PLEKHA8: variants seen among roughly 807,000 people sequenced by gnomAD.
PLEKHA8 encodes the protein pleckstrin homology domain-containing family A member 8.
Under a neutral mutation model 68.2 loss-of-function variants are expected in PLEKHA8, and 36 were observed. The observed-to-expected ratio is 0.53, with a 90% CI of 0.40 to 0.70. The LOEUF (loss-of-function observed/expected upper bound fraction) is 0.70. PLEKHA8 is among the 30% of genes least tolerant of loss of function. PLEKHA8 has a pLI of 0.00. For missense variants in PLEKHA8, 505 were observed against 615.4 expected (o/e 0.82, Z 1.90); for synonymous variants, 211 against 216.1 (o/e 0.98, Z 0.20).
downstream of PLEKHA8, among the ~76,000 whole-genome samples, chr7:30,090,899 A>G (rs980363452): frequency 1.3e-5 from 2 of 152,210 alleles, no homozygotes; most frequent in African/African-American, 4.8e-5. Context: ...GGTGGCTCAC[A>G]CCTGTAATCC....
rs35173428 is a variant in PLEKHA8 at position 30,128,091 on chromosome 7, ATTTT to A, written c.1363-1158_1363-1155del. 4.6e-4 allele frequency among the ~76,000 whole-genome samples: 57 copies of A among 122,682 alleles called. 2 individuals are homozygous for A. Among genetic ancestry groups the A allele is most frequent in the Middle Eastern group, 4.6e-3 (1 of 216 alleles). The allele number at this position is 122,682 out of a possible 152,430, so 80.5% of individuals were successfully genotyped here. A position where few individuals can be genotyped will look rare whatever the true frequency, so the allele number is the denominator to read the frequency against. ...ACAGCATATAGATGAGTTTTACTGT[ATTTT>A]TTTTTTTTTTTTTTTTACTTATTTA... On this transcript the variant is annotated intron_variant, in intron 13 of 13. Transcript: ENST00000396257.
In PLEKHA8 at chr7:30,080,583, A is replaced by G. The variant is rs1383699061; in HGVS notation, c.*1796A>G. 1 of 985,374 alleles carries G rather than the reference A, an allele frequency of 1.0e-6. No individual in the cohort carries two copies. Among genetic ancestry groups the G allele is most frequent in the East Asian group, 1.1e-4 (1 of 8,812 alleles). 61.0% of individuals were successfully genotyped at this position (985,374 alleles called of 1,614,324 possible). A position where few individuals can be genotyped will look rare whatever the true frequency, so the allele number is the denominator to read the frequency against. ...ATGAACATTTATTTAGCTCAGATTA[A>G]TTAGGTATTTTGCCCACATAAAGAC... On this transcript the variant is annotated 3_prime_UTR_variant, in exon 14 of 14. Transcript: ENST00000449726.
At chr7:30,089,543 A>G (rs1159405459), downstream of PLEKHA8, among the ~76,000 whole-genome samples, 1 of 152,256 alleles carries the variant, frequency 6.6e-6, no homozygotes, top group African/African-American at 2.4e-5. Flanking sequence ...AAATATGTCA[A>G]GGAGAATACA....
chr7:30,042,879 C>T (rs1458789290), intron 1 of PLEKHA8, among the ~76,000 whole-genome samples: 1 of 152,216 alleles, frequency 6.6e-6, no homozygotes, highest in African/African-American at 2.4e-5. Context: ...AGCACTGATT[C>T]TGTGCCCAAC....
chr7:30,043,734 C>T (rs1193439378), intron 1 of PLEKHA8, among the ~76,000 whole-genome samples: 2 of 152,114 alleles, frequency 1.3e-5, no homozygotes, highest in Non-Finnish European at 2.9e-5. Flanking sequence ...TTCCTTGTTC[C>T]ATAATCTTGG....
intron 10 of PLEKHA8, 58 bp downstream of exon 10, chr7:30,061,000 A>G: frequency 6.6e-7 from 1 of 1,522,984 alleles, no homozygotes; most frequent in African/African-American, 1.4e-5. Flanking sequence ...TGTTCTCAAC[A>G]TTTTTGTGCT....
rs898478372 is a variant in PLEKHA8 at position 30,081,635 on chromosome 7, T to C, written c.*2848T>C. 4.3e-5 allele frequency: 42 copies of C among 985,392 alleles called. No homozygotes were observed. The highest frequency in any genetic ancestry group is 4.9e-5 in the Non-Finnish European group (41 of 829,868). The allele number at this position is 985,392 out of a possible 1,614,324, so 61.0% of individuals were successfully genotyped here. A position where few individuals can be genotyped will look rare whatever the true frequency, so the allele number is the denominator to read the frequency against. ...AGGAGGTGAGAAAACTCTAGTATTT[T>C]GTTGGCAGAGTAATCACTTTGTTCT... On this transcript the variant is annotated 3_prime_UTR_variant, in exon 14 of 14. Transcript: ENST00000449726.
chr7:30,116,223 TAC>T lies in PLEKHA8; in HGVS notation c.1363-13042_1363-13041del, dbSNP rs1475944666. On this transcript the variant is annotated intron_variant, in intron 13 of 13. Transcript: ENST00000396257. ...ACGTATACATGTATACATATGTATA[TAC>T]GTATACATGTATGCGTATACATGTA... is the stretch of plus-strand genomic sequence containing the variant. Among the ~76,000 whole-genome samples, 737 of 151,212 alleles carry T rather than the reference TAC, an allele frequency of 4.9e-3. 5 individuals are homozygous for T. The highest frequency in any genetic ancestry group is 0.017 in the African/African-American group (696 of 41,124).
intron 12 of PLEKHA8, among the ~76,000 whole-genome samples, chr7:30,072,980 A>G (rs566650289): frequency 1.3e-5 from 2 of 152,352 alleles, no homozygotes; most frequent in African/African-American, 4.8e-5. Context: ...TGGAGAAATC[A>G]GTTTTGAATT....
At chr7:30,058,799 T>C (rs994255494) in intron 9 of PLEKHA8, among the ~76,000 whole-genome samples, 1 of 152,220 alleles carries the variant, frequency 6.6e-6, no homozygotes, top group Non-Finnish European at 1.5e-5. Context: ...TTACATTATA[T>C]CTCTAAACCA....
At chr7:30,093,972 G>A (rs1308996427), downstream of PLEKHA8, among the ~76,000 whole-genome samples, 1 of 152,178 alleles carries the variant, frequency 6.6e-6, no homozygotes, top group African/African-American at 2.4e-5. Flanking sequence ...GTGTTGTTAT[G>A]AGGATTAGCT....
Position 30,049,325 on chromosome 7 carries a change from G to C in PLEKHA8, c.540G>C (p.Glu180Asp), listed in dbSNP as rs1310999757. 6.2e-7 allele frequency: 1 copy of C among 1,614,034 alleles called. No homozygotes were observed. The highest frequency in any genetic ancestry group is 1.3e-5 in the African/African-American group (1 of 74,904). ...TCGCAAATGCAGCCTTCACCTCTGA[G>C]CTGCTCTACCGCACTCCACCAGGAT... ...MQIANAAFTS[E>D]LLYRTPPGSP... The change falls in exon 5 of 14, where the codon GAG (glutamate) becomes GAC (aspartate). Residue 180 changes from glutamate to aspartate, a missense_variant. Transcript: ENST00000449726.
intron 12 of PLEKHA8, among the ~76,000 whole-genome samples, chr7:30,089,951 C>T (rs1795346645): frequency 6.6e-6 from 1 of 152,092 alleles, no homozygotes; most frequent in East Asian, 1.9e-4. Flanking sequence ...TGAAATGATG[C>T]AGTGAATGAA....
At chr7:30,049,659 G>A (rs1792251523) in intron 5 of PLEKHA8, among the ~76,000 whole-genome samples, 1 of 152,082 alleles carries the variant, frequency 6.6e-6, no homozygotes, top group South Asian at 2.1e-4. Context: ...ACTATTAATA[G>A]TTGCTTTCAG....
chr7:30,045,311 C>A, intron 2 of PLEKHA8, 110 bp downstream of exon 2: 2 of 758,420 alleles, frequency 2.6e-6, no homozygotes, highest in Non-Finnish European at 4.3e-6. Context: ...TAATACAGAC[C>A]AAGGGACATA....
intron 13 of PLEKHA8, among the ~76,000 whole-genome samples, chr7:30,116,751 A>G (rs1162107995): frequency 1.3e-5 from 2 of 152,170 alleles, no homozygotes; most frequent in Non-Finnish European, 2.9e-5. Flanking sequence ...CTACTCCCCC[A>G]TTCTGGCTTT....
chr7:30,038,141 A>C (rs899267100), intron 1 of PLEKHA8, among the ~76,000 whole-genome samples: 1 of 152,222 alleles, frequency 6.6e-6, no homozygotes, highest in Non-Finnish European at 1.5e-5. Flanking sequence ...GCATTCTACT[A>C]GTTGTTTATT....
chr7:30,116,879 G>C (rs1796585406), intron 13 of PLEKHA8, among the ~76,000 whole-genome samples: 1 of 152,178 alleles, frequency 6.6e-6, no homozygotes, highest in South Asian at 2.1e-4. Context: ...CCACAGGCCA[G>C]TGTATAAAAA....
intron 9 of PLEKHA8, among the ~76,000 whole-genome samples, chr7:30,056,323 TA>T (rs1792895515): frequency 7.2e-6 from 1 of 138,946 alleles, no homozygotes; most frequent in South Asian, 2.2e-4. Context: ...TATATATATA[TA>T]TATATATAAA....
Sources: allele counts gnomAD v4.1 joint callset (sites outside exome capture counted in the v4.1 genomes callset), GRCh38; gene constraint gnomAD v4.1.1; transcripts MANE v1.5; gene names NCBI Gene and HGNC (gene_info 2026-07-23, HGNC 2026-07-21).